The following CPED1 variants were observed in gnomAD, a reference collection of about 807,000 sequenced individuals.
CPED1 encodes cadherin like and PC-esterase domain containing 1, also known as cadherin-like and PC-esterase domain-containing protein 1.
Under a neutral mutation model 128.2 loss-of-function variants are expected in CPED1, and 114 were observed. The observed-to-expected ratio is 0.89, with a 90% CI of 0.76 to 1.04. CPED1 has a LOEUF of 1.04. CPED1 is among the 50% of genes least tolerant of loss of function. The probability of loss-of-function intolerance (pLI) is 0.00; values close to 1 mark genes in which losing one functional copy is unlikely to be tolerated. For missense variants in CPED1, 1,211 were observed against 1,207.1 expected (o/e 1.00, Z -0.05); for synonymous variants, 462 against 426.7 (o/e 1.08, Z -1.02).
At chr7:121,005,595 C>T (rs1791991578) in intron 2 of CPED1, among the ~76,000 whole-genome samples, 1 of 151,868 alleles carries the variant, frequency 6.6e-6, no homozygotes, top group Non-Finnish European at 1.5e-5. Context: ...ACATGTATAC[C>T]TATGTAACAA....
intron 18 of CPED1, 35 bp from the exon 19 acceptor site, chr7:121,266,192 A>C: frequency 6.6e-7 from 1 of 1,514,610 alleles, no homozygotes; most frequent in Non-Finnish European, 9.2e-7. Context: ...TGTAAACATA[A>C]GCTTTTAAAC....
At chr7:121,074,509 G>GTTTGTTTTTTTT (rs1554430602) in intron 5 of CPED1, among the ~76,000 whole-genome samples, 1 of 80,838 alleles carries the variant, frequency 1.2e-5, no homozygotes. Context: ...TTTCCTTTGT[G>GTTTGTTTTTTTT]TTTTTTTTTT....
chr7:121,167,516 C>A (rs1034820725), intron 16 of CPED1, among the ~76,000 whole-genome samples: 2 of 152,174 alleles, frequency 1.3e-5, no homozygotes, highest in Non-Finnish European at 2.9e-5. Context: ...TGTTTAAGAT[C>A]ATGGGATTTA....
At chr7:121,048,566 G>A (rs1793273397) in intron 4 of CPED1, among the ~76,000 whole-genome samples, 1 of 151,648 alleles carries the variant, frequency 6.6e-6, no homozygotes, top group South Asian at 2.1e-4. Context: ...TTGAGACAAA[G>A]TCTCCCTCTG....
intron 2 of CPED1, among the ~76,000 whole-genome samples, chr7:121,011,865 G>T (rs558821231): frequency 3.3e-5 from 5 of 152,092 alleles, no homozygotes; most frequent in Non-Finnish European, 7.4e-5. Context: ...TAATTGAAAG[G>T]CTTATGGAAT....
chr7:121,152,589 G>C (rs1418299462), intron 16 of CPED1, among the ~76,000 whole-genome samples: 1 of 152,180 alleles, frequency 6.6e-6, no homozygotes, highest in Non-Finnish European at 1.5e-5. Flanking sequence ...GAAAAATTGA[G>C]TTAATATTGT....
chr7:121,197,419 T>G (rs1294100107), intron 16 of CPED1, among the ~76,000 whole-genome samples: 1 of 152,150 alleles, frequency 6.6e-6, no homozygotes, highest in East Asian at 1.9e-4. Context: ...CAACTGTACA[T>G]CAAGCACTGT....
intron 16 of CPED1, among the ~76,000 whole-genome samples, chr7:121,188,719 G>A (rs1328251365): frequency 1.3e-5 from 2 of 151,954 alleles, no homozygotes; most frequent in Admixed American, 6.6e-5. Context: ...GTGTGGCATG[G>A]CAAAGCCAAG....
At chr7:121,101,035 A>G (rs549317665) in intron 7 of CPED1, among the ~76,000 whole-genome samples, 2 of 152,314 alleles carry the variant, frequency 1.3e-5, no homozygotes, top group East Asian at 3.9e-4. Flanking sequence ...CTTTACCTAT[A>G]TAACATACAG....
intron 16 of CPED1, among the ~76,000 whole-genome samples, chr7:121,201,205 C>A (rs1481239835): frequency 6.6e-6 from 1 of 151,972 alleles, no homozygotes; most frequent in African/African-American, 2.4e-5. Flanking sequence ...CCAAGAAAGA[C>A]AAAGTTATAG....
At chr7:121,256,008 C>T (rs959425318) in intron 18 of CPED1, among the ~76,000 whole-genome samples, 1 of 149,614 alleles carries the variant, frequency 6.7e-6, no homozygotes, top group African/African-American at 2.4e-5. Context: ...ATTCAATGCT[C>T]TTCCTATCAA....
intron 16 of CPED1, among the ~76,000 whole-genome samples, chr7:121,151,002 G>A (rs1051499537): frequency 1.3e-5 from 2 of 152,162 alleles, no homozygotes; most frequent in South Asian, 2.1e-4. Flanking sequence ...TCCTGACCTT[G>A]TGATCTGCCC....
At chr7:121,092,781 C>T (rs940310946) in intron 5 of CPED1, among the ~76,000 whole-genome samples, 3 of 152,272 alleles carry the variant, frequency 2.0e-5, no homozygotes, top group Admixed American at 2.0e-4. Flanking sequence ...CCCTGTGGAG[C>T]ACTCATAATG....
chr7:121,015,959 C>T, intron 3 of CPED1, 111 bp downstream of exon 3: 2 of 715,690 alleles, frequency 2.8e-6, no homozygotes. Flanking sequence ...AAATATTTAT[C>T]CATGACCAAC....
chr7:121,277,038 T>C (rs1026429753), intron 22 of CPED1, among the ~76,000 whole-genome samples: 10 of 151,830 alleles, frequency 6.6e-5, no homozygotes, highest in African/African-American at 2.2e-4. Flanking sequence ...AGGTGAGAGA[T>C]TGTAAAGTTC....
intron 18 of CPED1, chr7:121,261,987 G>C: frequency 5.3e-6 from 2 of 376,092 alleles, no homozygotes; most frequent in Non-Finnish European, 9.7e-6. Context: ...GTTGGAAGTG[G>C]GACCTATTGG....
chr7:121,293,896 C>T (rs1025211558), intron 22 of CPED1, among the ~76,000 whole-genome samples: 1 of 152,054 alleles, frequency 6.6e-6, no homozygotes, highest in Admixed American at 6.5e-5. Context: ...ATGCAGAAAT[C>T]ACCTGCCTTC....
intron 16 of CPED1, among the ~76,000 whole-genome samples, chr7:121,204,330 A>C (rs1797470322): frequency 6.6e-6 from 1 of 152,136 alleles, no homozygotes; most frequent in Non-Finnish European, 1.5e-5. Context: ...GGATCAGAAA[A>C]GGGATAGGGA....
chr7:121,127,622 G>A (rs1464540574), intron 10 of CPED1, among the ~76,000 whole-genome samples: 15 of 146,650 alleles, frequency 1.0e-4, no homozygotes, highest in Non-Finnish European at 2.1e-4. Context: ...TGCAACCTCC[G>A]CCTCCTGGGT....
Sources: gnomAD v4.1 joint callset for allele counts (sites outside exome capture counted in the v4.1 genomes callset) on GRCh38, gnomAD v4.1.1 for gene constraint, MANE v1.5 for transcripts, NCBI Gene and HGNC (gene_info 2026-07-23, HGNC 2026-07-21) for gene names.